ERG: variants seen among roughly 807,000 people sequenced by gnomAD.
The protein encoded by ERG is ETS transcription factor ERG.
Under a neutral mutation model 55.3 loss-of-function variants are expected in ERG, and 9 were observed. That is an observed-to-expected ratio of 0.16 (90% CI 0.10 to 0.28). The LOEUF (loss-of-function observed/expected upper bound fraction) is 0.28. Ranked by LOEUF, ERG falls within the 10% of genes least tolerant of loss-of-function variation. The pLI is 1.00. For synonymous variants in ERG, 223 were observed against 237.3 expected (o/e 0.94, Z 0.55); for missense variants, 434 against 631.6 (o/e 0.69, Z 3.35).
intron 1 of ERG, among the ~76,000 whole-genome samples, chr21:38,582,050 A>G (rs1469538789): frequency 1.3e-5 from 2 of 151,574 alleles, no homozygotes; most frequent in Non-Finnish European, 2.9e-5. Flanking sequence ...CTCACAAAAA[A>G]AAAAAAAAAA....
At chr21:38,605,576 C>T (rs1043621298) in intron 1 of ERG, among the ~76,000 whole-genome samples, 8 of 152,198 alleles carry the variant, frequency 5.3e-5, no homozygotes, top group Non-Finnish European at 8.8e-5. Flanking sequence ...TTAGCAAGTG[C>T]TAGCTGAATC....
chr21:38,462,815 T>C (rs2059055654), intron 1 of ERG, among the ~76,000 whole-genome samples: 1 of 152,096 alleles, frequency 6.6e-6, no homozygotes, highest in African/African-American at 2.4e-5. Flanking sequence ...CCCCCACCCA[T>C]CAGCTACACA....
intron 2 of ERG, among the ~76,000 whole-genome samples, chr21:38,549,558 G>C (rs9978197): frequency 0.5 from 76,422 of 151,746 alleles, 20,515 homozygotes; most frequent in Non-Finnish European, 0.62. Context: ...TTTATTATTT[G>C]TTTTGCATTT....
At chr21:38,652,989 T>C (rs772335346) in intron 1 of ERG, among the ~76,000 whole-genome samples, 4 of 152,222 alleles carry the variant, frequency 2.6e-5, no homozygotes, top group Non-Finnish European at 5.9e-5. Context: ...TCACCCACTT[T>C]CCAGATTGCA....
chr21:38,567,138 A>G (rs901891142), intron 2 of ERG, among the ~76,000 whole-genome samples: 2 of 152,172 alleles, frequency 1.3e-5, no homozygotes, highest in African/African-American at 4.8e-5. Flanking sequence ...TGCTGCACAC[A>G]TGCTGAACAC....
At chr21:38,500,429 C>T (rs2059412653), upstream of ERG, among the ~76,000 whole-genome samples, 1 of 152,166 alleles carries the variant, frequency 6.6e-6, no homozygotes, top group African/African-American at 2.4e-5. Flanking sequence ...TTGCCTAATG[C>T]AAATCAAACT....
intron 1 of ERG, among the ~76,000 whole-genome samples, chr21:38,604,093 A>T (rs1188351739): frequency 5.9e-5 from 8 of 136,708 alleles, no homozygotes; most frequent in African/African-American, 2.9e-4. Context: ...CTAAAAATAA[A>T]AAAAAAAAAA....
At chr21:38,637,654 TTAA>T (rs1189917114) in intron 1 of ERG, among the ~76,000 whole-genome samples, 11 of 152,326 alleles carry the variant, frequency 7.2e-5, no homozygotes, top group East Asian at 5.8e-4. Flanking sequence ...ATCAATACTG[TTAA>T]TAATAATAAA....
chr21:38,397,783 C>T (rs143329653), intron 6 of ERG, among the ~76,000 whole-genome samples: 3 of 151,922 alleles, frequency 2.0e-5, no homozygotes, highest in African/African-American at 4.8e-5. Context: ...AGAAAGGGTG[C>T]GGAATGCTGT....
At chr21:38,583,051 A>C (rs913343813) in intron 1 of ERG, among the ~76,000 whole-genome samples, 17 of 152,284 alleles carry the variant, frequency 1.1e-4, no homozygotes, top group African/African-American at 4.1e-4. Flanking sequence ...CTAGTCATTA[A>C]GTGAAAACAT....
In ERG at chr21:38,453,350, A is replaced by G. The variant is rs947418652; in HGVS notation, c.19-7729T>C. ...GATTGGAGCATGGTAGAAAAATGTT[A>G]AAGAAAGAATAGTTATGTCCACATA... is the stretch of plus-strand genomic sequence containing the variant. On this transcript the variant is annotated intron_variant, in intron 1 of 9. Coordinates refer to ENST00000288319, the MANE Select transcript of ERG (RefSeq NM_182918.4). Among the ~76,000 whole-genome samples, 15 of 152,366 alleles carry G rather than the reference A, an allele frequency of 9.8e-5. No homozygotes were observed. The East Asian group carries it at 2.5e-3, about 25-fold the overall frequency.
intron 1 of ERG, among the ~76,000 whole-genome samples, chr21:38,483,941 C>T (rs2059260884): frequency 6.6e-6 from 1 of 152,178 alleles, no homozygotes; most frequent in Non-Finnish European, 1.5e-5. Context: ...ATCACTGATT[C>T]ATGCACTCAC....
At chr21:38,512,064 G>T (rs937211174) in intron 2 of ERG, among the ~76,000 whole-genome samples, 2 of 152,148 alleles carry the variant, frequency 1.3e-5, no homozygotes, top group Non-Finnish European at 2.9e-5. Flanking sequence ...TGTCAGATGG[G>T]ATAGATTGAC....
rs147806403 is a variant in ERG at position 38,429,517 on chromosome 21, A to G, written c.237-5956T>C. Among the ~76,000 whole-genome samples the G allele has an allele frequency of 1.6e-5, 2 of 125,518 alleles. 1 individual carries two copies. The highest frequency in any genetic ancestry group is 3.4e-5 in the Non-Finnish European group (2 of 58,192). The allele number at this position is 125,518 out of a possible 152,430, so 82.3% of individuals were successfully genotyped here. On this transcript the variant is annotated intron_variant, in intron 2 of 9. Transcript: ENST00000288319. ...TGTACATATATACATATGTGTATAT[A>G]CATGTATGCACATGTACATATATAC...
chr21:38,375,590 C>T (rs149446600), downstream of ERG, among the ~76,000 whole-genome samples: 2 of 152,210 alleles, frequency 1.3e-5, no homozygotes, highest in East Asian at 1.9e-4. Flanking sequence ...CCCGACACAC[C>T]GTGGAACAAA....
intron 4 of ERG, 51 bp from the exon 5 acceptor site, chr21:38,402,688 A>G (rs1375594025): frequency 2.2e-6 from 2 of 927,542 alleles, no homozygotes; most frequent in Admixed American, 5.7e-5. Context: ...AAAGAGAGAG[A>G]GAGAAAGAGA....
At chr21:38,540,318 C>T (rs1217091663) in intron 2 of ERG, among the ~76,000 whole-genome samples, 1 of 152,144 alleles carries the variant, frequency 6.6e-6, no homozygotes, top group Non-Finnish European at 1.5e-5. Flanking sequence ...CCAACCAACA[C>T]CTCTGTCTAG....
intron 2 of ERG, among the ~76,000 whole-genome samples, chr21:38,570,667 A>AGGCACAAAGAAT (rs2059952075): frequency 6.6e-6 from 1 of 152,214 alleles, no homozygotes; most frequent in Admixed American, 6.5e-5. Context: ...GCACAAAGAA[A>AGGCACAAAGAAT]CTAAGGAACT....
At chr21:38,375,796 T>A (rs1987225118), downstream of ERG, among the ~76,000 whole-genome samples, 1 of 152,192 alleles carries the variant, frequency 6.6e-6, no homozygotes, top group Non-Finnish European at 1.5e-5. Flanking sequence ...CAGGGTCCTT[T>A]TATAGGCATC....
Sources: gnomAD v4.1 joint callset for allele counts (sites outside exome capture counted in the v4.1 genomes callset) on GRCh38, gnomAD v4.1.1 for gene constraint, MANE v1.5 for transcripts, NCBI Gene and HGNC (gene_info 2026-07-23, HGNC 2026-07-21) for gene names.